ZFHX3: variants seen among roughly 807,000 people sequenced by gnomAD.
The protein encoded by ZFHX3 is zinc finger homeobox 3.
Under a neutral mutation model 279.1 loss-of-function variants are expected in ZFHX3, and 42 were observed. The observed-to-expected ratio is 0.15, with a 90% CI of 0.12 to 0.19. The LOEUF (loss-of-function observed/expected upper bound fraction) is 0.19, where lower values mean the gene tolerates loss of function less well. Ranked by LOEUF, ZFHX3 falls within the 10% of genes least tolerant of loss-of-function variation. The pLI is 1.00. For missense variants in ZFHX3, 4,981 were observed against 4,754.0 expected (o/e 1.05, Z -1.40); for synonymous variants, 2,293 against 1,957.8 (o/e 1.17, Z -4.52).
intron 4 of ZFHX3, among the ~76,000 whole-genome samples, chr16:73,266,464 G>C (rs2013978497): frequency 6.6e-6 from 1 of 152,094 alleles, no homozygotes; most frequent in Non-Finnish European, 1.5e-5. Flanking sequence ...GAGGTGCCAG[G>C]CATGACGAGA....
At chr16:73,070,785 C>G (rs994955481) in intron 8 of ZFHX3, among the ~76,000 whole-genome samples, 1 of 151,914 alleles carries the variant, frequency 6.6e-6, no homozygotes, top group East Asian at 1.9e-4. Context: ...TATCCATCCT[C>G]TCTGCCTCTC....
At chr16:73,885,147 A>G (rs897137038) in intron 1 of ZFHX3, among the ~76,000 whole-genome samples, 1 of 151,848 alleles carries the variant, frequency 6.6e-6, no homozygotes, top group African/African-American at 2.4e-5. Context: ...ACCCCCTTTC[A>G]TTTCCTTCAG....
chr16:72,845,660 C>A (rs1244244586), intron 4 of ZFHX3, among the ~76,000 whole-genome samples: 1 of 152,218 alleles, frequency 6.6e-6, no homozygotes, highest in African/African-American at 2.4e-5. Flanking sequence ...ATCTGTGACC[C>A]AGACCAATCA....
At chr16:73,017,386 CCT>C (rs1302309210) in intron 1 of ZFHX3, among the ~76,000 whole-genome samples, 3 of 152,036 alleles carry the variant, frequency 2.0e-5, no homozygotes, top group East Asian at 1.9e-4. Context: ...AAAAATATCC[CCT>C]GTTGGCCTTA....
At chr16:72,953,642 GCTGGAGTGGGTCA>G (rs1961106331) in intron 2 of ZFHX3, among the ~76,000 whole-genome samples, 1 of 152,074 alleles carries the variant, frequency 6.6e-6, no homozygotes, top group Non-Finnish European at 1.5e-5. Context: ...TGTTGCCCAG[GCTGGAGTGGGTCA>G]CTGCAGTCTG....
Position 72,889,777 on chromosome 16 carries a change from G to T in ZFHX3, c.3402C>A (p.Asp1134Glu). 1 of 1,613,270 alleles carries T rather than the reference G, an allele frequency of 6.2e-7. No individual in the cohort carries two copies. The highest frequency in any genetic ancestry group is 8.5e-7 in the Non-Finnish European group (1 of 1,180,038). The change falls in exon 4 of 10, where the codon GAC becomes GAA. Residue 1134 changes from aspartate (D) to glutamate (E), a missense_variant. This residue lies in a region of ZFHX3 where 1,751 missense variants were observed against 1,770.0 expected (regional missense o/e 0.99). Coordinates refer to ENST00000268489, the MANE Select transcript of ZFHX3 (RefSeq NM_006885.4). ...TGCGGATGGTGAAGATCTGCCCCAG[G>T]TCCTCGTCCTCCTCTGGAAGGCCCT... ...LQKGLPEEDE[D>E]LGQIFTIRRC... is the part of the protein sequence containing the mutation.
At chr16:73,457,358 C>T (rs552193181) in intron 2 of ZFHX3, among the ~76,000 whole-genome samples, 1 of 152,268 alleles carries the variant, frequency 6.6e-6, no homozygotes, top group South Asian at 2.1e-4. Context: ...AGCCCCAGAG[C>T]GCCTGGCTTT....
chr16:73,344,568 C>T (rs147127278), intron 3 of ZFHX3, among the ~76,000 whole-genome samples: 2 of 152,250 alleles, frequency 1.3e-5, no homozygotes, highest in East Asian at 1.9e-4. Context: ...GATAATTGTA[C>T]TGTGATTAGG....
chr16:73,061,268 A>G (rs1349394875), upstream of ZFHX3: 1 of 152,026 alleles, frequency 6.6e-6, no homozygotes, highest in East Asian at 1.9e-4. Flanking sequence ...CCCCTGCACA[A>G]TGTGTCTTTT....
chr16:73,589,408 A>T (rs2051967264), intron 2 of ZFHX3, among the ~76,000 whole-genome samples: 1 of 146,806 alleles, frequency 6.8e-6, no homozygotes, highest in African/African-American at 2.5e-5. Context: ...TATACTCTAA[A>T]CTGGGCAGCA....
chr16:73,850,526 G>A lies in ZFHX3; in HGVS notation c.-1608+41125C>T, dbSNP rs144369994. 2.9e-3 allele frequency among the ~76,000 whole-genome samples: 440 copies of A among 152,326 alleles called. 3 individuals are homozygous for A. The highest frequency in any genetic ancestry group is 9.9e-3 in the African/African-American group (413 of 41,576). On this transcript the variant is annotated intron_variant, in intron 1 of 17. Transcript: ENST00000641206. ...AATGAGAACTCTCGGGGAAAAGGGA[G>A]TGAGAGCTGCAGGATGGGGCAGAGA...
intron 3 of ZFHX3, among the ~76,000 whole-genome samples, chr16:73,413,896 C>A (rs1032850853): frequency 6.6e-6 from 1 of 152,160 alleles, no homozygotes; most frequent in Non-Finnish European, 1.5e-5. Context: ...AAATTGTGAT[C>A]ATTGGATTAT....
chr16:73,507,545 G>C (rs1016925646), intron 2 of ZFHX3, among the ~76,000 whole-genome samples: 1 of 136,928 alleles, frequency 7.3e-6, no homozygotes, highest in Non-Finnish European at 1.5e-5. Context: ...TCCCAGGCTG[G>C]AGTACAGTGG....
At chr16:73,591,586 G>A (rs1307898230) in intron 2 of ZFHX3, among the ~76,000 whole-genome samples, 5 of 148,658 alleles carry the variant, frequency 3.4e-5, no homozygotes, top group South Asian at 2.2e-4. Context: ...CCAGTTACTC[G>A]GGAGGCTGAG....
At chr16:73,109,631 T>C (rs1966347062) in intron 7 of ZFHX3, among the ~76,000 whole-genome samples, 1 of 152,132 alleles carries the variant, frequency 6.6e-6, no homozygotes, top group African/African-American at 2.4e-5. Context: ...GGTGAATTGC[T>C]TGAGGCCAGC....
At chr16:73,581,846 T>C (rs776242698) in intron 2 of ZFHX3, among the ~76,000 whole-genome samples, 6 of 151,608 alleles carry the variant, frequency 4.0e-5, no homozygotes, top group Admixed American at 6.6e-5. Flanking sequence ...GCTAATTTTT[T>C]TGTATTTTTA....
At chr16:73,313,704 A>G (rs1181179671) in intron 4 of ZFHX3, among the ~76,000 whole-genome samples, 1 of 152,238 alleles carries the variant, frequency 6.6e-6, no homozygotes, top group Non-Finnish European at 1.5e-5. Flanking sequence ...ACAAACATGT[A>G]CACAGCCCAC....
chr16:73,345,442 A>G (rs2016106476), intron 3 of ZFHX3, among the ~76,000 whole-genome samples: 2 of 124,166 alleles, frequency 1.6e-5, no homozygotes, highest in South Asian at 5.6e-4. Flanking sequence ...CTCCCTGCGT[A>G]CATGTGTTCT....
At chr16:72,932,090 C>T (rs980872872) in intron 3 of ZFHX3, among the ~76,000 whole-genome samples, 2 of 152,112 alleles carry the variant, frequency 1.3e-5, no homozygotes, top group Non-Finnish European at 1.5e-5. Context: ...TGAAAACTAC[C>T]AAGGAGTATA....
Sources: allele counts gnomAD v4.1 joint callset (sites outside exome capture counted in the v4.1 genomes callset), GRCh38; gene constraint gnomAD v4.1.1; regional missense constraint gnomAD v4.1.1; transcripts MANE v1.5; gene names NCBI Gene and HGNC (gene_info 2026-07-23, HGNC 2026-07-21).